ZNF141: variants seen among roughly 807,000 people sequenced by gnomAD.
The protein encoded by ZNF141 is zinc finger protein 141, also known as zinc finger protein 141 (clone pHZ-44).
Under a neutral mutation model 11.3 loss-of-function variants are expected in ZNF141, and 7 were observed. That is an observed-to-expected ratio of 0.62 (90% confidence interval 0.35 to 1.16). ZNF141 has a LOEUF of 1.16. Among genes scored for constraint, ZNF141 ranks in the 50% most tolerant of loss-of-function variants. The pLI, the probability that ZNF141 is intolerant of heterozygous loss-of-function variation, is 0.02. For synonymous variants in ZNF141, 183 were observed against 190.7 expected, an observed-to-expected ratio of 0.96 and a Z score of 0.33; for missense variants, 535 against 554.0, an observed-to-expected ratio of 0.97 and a Z score of 0.34.
chr4:345,182 C>T (rs1721263058), intron 3 of ZNF141, among the ~76,000 whole-genome samples: 1 of 152,136 alleles, frequency 6.6e-6, no homozygotes, highest in African/African-American at 2.4e-5. Flanking sequence ...ACACCAAGGA[C>T]AGATGTTGCC....
intron 3 of ZNF141, among the ~76,000 whole-genome samples, chr4:346,833 G>GTGTGTGTATATATATATGTATATACA (rs1560182729): frequency 6.8e-6 from 1 of 146,382 alleles, no homozygotes; most frequent in Admixed American, 6.8e-5. Flanking sequence ...TCCTGTGTAT[G>GTGTGTGTATATATATATGTATATACA]TGTGTGTATA....
intron 1 of ZNF141, among the ~76,000 whole-genome samples, chr4:341,956 C>G (rs1721070927): frequency 6.6e-6 from 1 of 152,228 alleles, no homozygotes; most frequent in South Asian, 2.1e-4. Flanking sequence ...GTGGCTTTTT[C>G]TTACAAGTCT....
Position 377,062 on chromosome 4 carries a change from A to G in ZNF141, c.*3200A>G, listed in dbSNP as rs964723314. 6.6e-6 allele frequency among the ~76,000 whole-genome samples: 1 copy of G among 152,318 alleles called. No individual in the cohort carries two copies. Among genetic ancestry groups the G allele is most frequent in the Non-Finnish European group, 1.5e-5 (1 of 68,024 alleles). On this transcript the variant is annotated 3_prime_UTR_variant, in exon 4 of 4. Coordinates refer to ENST00000240499, the MANE Select transcript of ZNF141 (RefSeq NM_003441.4). ...TTAGATGTAATTTCATAATATATGT[A>G]TTAAGTTATTTTAGTTAGAACATTT...
chr4:353,061 A>G (rs1460013775), intron 3 of ZNF141, among the ~76,000 whole-genome samples: 1 of 152,116 alleles, frequency 6.6e-6, no homozygotes, highest in East Asian at 1.9e-4. Flanking sequence ...AGCAAACTCC[A>G]TATATTTGGT....
In ZNF141 at chr4:381,946, C is replaced by CTTTTTTTTTTTTTTTTTTTTTTTTTTT. The variant is rs34905613; in HGVS notation, c.*8103_*8104insTTTTTTTTTTTTTTTTTTTTTTTTTTT. Among the ~76,000 whole-genome samples, 52 of 105,922 alleles carry CTTTTTTTTTTTTTTTTTTTTTTTTTTT rather than the reference C, an allele frequency of 4.9e-4. 4 individuals carry two copies. The highest frequency in any genetic ancestry group is 8.0e-4 in the African/African-American group (18 of 22,442). 69.5% of individuals were successfully genotyped at this position (105,922 alleles called of 152,430 possible). ...CTAGGGCCACCACCATCTCTGGGAACTTTTTTTTTTTTTTTTTTTGAGACG... is the reference window on the plus strand; with the variant it reads ...CTAGGGCCACCACCATCTCTGGGAACTTTTTTTTTTTTTTTTTTTTTTTTTTTTTTTTTTTTTTTTTTTTTTGAGACG... On this transcript the variant is annotated 3_prime_UTR_variant, in exon 4 of 4. Transcript: ENST00000240499.
In ZNF141 at chr4:343,809, A is replaced by G. The variant is rs201412127; in HGVS notation, c.31A>G (p.Ile11Val). ...ACTCTTAACATTCAGGGATGTGGCCATAGAATTCTCTCCAGAAGAGTGGAA... is the reference window on the plus strand; with the variant it reads ...ACTCTTAACATTCAGGGATGTGGCCGTAGAATTCTCTCCAGAAGAGTGGAA... Reference protein sequence around the residue: MELLTFRDVAIEFSPEEWKCL... With the variant: MELLTFRDVAVEFSPEEWKCL... The change falls in exon 2 of 4, where the codon ATA becomes GTA. Residue 11 changes from isoleucine to valine, a missense_variant. Transcript: ENST00000240499. 1,644 of 1,600,694 alleles carry G rather than the reference A, an allele frequency of 1.0e-3. 27 individuals carry two copies. In the Admixed American group the frequency reaches 0.018, roughly 18 times the overall value.
rs1357442257 is a variant in ZNF141, at chr4:373,723, A to C, written c.1286A>C (p.Asp429Ala). The change falls in exon 4 of 4, where the codon GAC (aspartate) becomes GCC (alanine). Residue 429 changes from aspartate to alanine, a missense_variant. Coordinates refer to ENST00000240499, the MANE Select transcript of ZNF141 (RefSeq NM_003441.4). ...ADKPYKCKEC[D>A]KAFKQFSLLS... ...AAACCCTACAAATGTAAAGAATGTG[A>C]CAAAGCCTTTAAACAATTTTCGCTC... The C allele has an allele frequency of 6.2e-7, 1 of 1,614,044 alleles. No homozygotes were observed. Among genetic ancestry groups the C allele is most frequent in the Admixed American group, 1.7e-5 (1 of 60,006 alleles).
rs1458599465 is a variant in ZNF141, at chr4:383,906, G to C, written c.*10044G>C. 1 of 152,260 alleles carries C rather than the reference G, an allele frequency of 6.6e-6. No homozygotes were observed. Among genetic ancestry groups the C allele is most frequent in the Non-Finnish European group, 1.5e-5 (1 of 68,072 alleles). 9.4% of individuals were successfully genotyped at this position (152,260 alleles called of 1,614,324 possible). A position where few individuals can be genotyped will look rare whatever the true frequency, so the allele number is the denominator to read the frequency against. ...AACATTGTAACCGGGTCCTTGGGCGGCTTGCTGGGGCTCACACCCACCCTG... is the reference window on the plus strand; with the variant it reads ...AACATTGTAACCGGGTCCTTGGGCGCCTTGCTGGGGCTCACACCCACCCTG... On this transcript the variant is annotated 3_prime_UTR_variant, in exon 4 of 4. Coordinates refer to ENST00000240499, the MANE Select transcript of ZNF141 (RefSeq NM_003441.4).
rs1553849145 is a variant in ZNF141 at position 344,395 on chromosome 4, A to T, written c.191A>T (p.Asn64Ile). The T allele has an allele frequency of 1.2e-6, 2 of 1,607,452 alleles. No individual in the cohort carries two copies. Among genetic ancestry groups the T allele is most frequent in the South Asian group, 2.2e-5 (2 of 91,046 alleles). ...TCLEQRKEPY[N>I]VKIHKIVARP... Reference sequence around the variant, plus strand: ...CTGGAGCAAAGAAAAGAGCCCTACAATGTGAAGATACATAAGATCGTAGCC... The same window carrying T: ...CTGGAGCAAAGAAAAGAGCCCTACATTGTGAAGATACATAAGATCGTAGCC... Residue 64 changes from asparagine to isoleucine, a missense_variant, in exon 3 of 4, where the codon AAT becomes ATT. By Grantham distance (149) the Asn-to-Ile change is moderately radical. Transcript: ENST00000240499.
rs187884065 is a variant in ZNF141 at position 374,685 on chromosome 4, C to T, written c.*823C>T. On this transcript the variant is annotated 3_prime_UTR_variant, in exon 4 of 4. Transcript: ENST00000240499. ...TAAGAATTCATCCTAGATATAAAACCATAGAAATGTAAAAGATGTGACAAA... is the reference window on the plus strand; with the variant it reads ...TAAGAATTCATCCTAGATATAAAACTATAGAAATGTAAAAGATGTGACAAA... The T allele has an allele frequency of 0.012, 1,882 of 153,724 alleles. 13 individuals are homozygous for T. Among genetic ancestry groups the T allele is most frequent in the Middle Eastern group, 0.039 (15 of 386 alleles). The allele number at this position is 153,724 out of a possible 1,614,324, so 9.5% of individuals were successfully genotyped here.
chr4:367,051 A>G (rs957988628), intron 3 of ZNF141, among the ~76,000 whole-genome samples: 1 of 152,230 alleles, frequency 6.6e-6, no homozygotes, highest in East Asian at 1.9e-4. Flanking sequence ...TATAGATCAT[A>G]TGTACCTCAA....
In ZNF141 at chr4:384,722, C is replaced by G. The variant is rs1299041800; in HGVS notation, c.*10860C>G. On this transcript the variant is annotated 3_prime_UTR_variant, in exon 4 of 4. Transcript: ENST00000240499. Reference sequence around the variant, plus strand: ...CCCTTAGCGGGGAAATTTACCCCTCCCATTTGGGCAGAACCCACAGAAGAC... The same window carrying G: ...CCCTTAGCGGGGAAATTTACCCCTCGCATTTGGGCAGAACCCACAGAAGAC... 2.0e-5 allele frequency: 3 copies of G among 152,340 alleles called. No homozygotes were observed. The highest frequency in any genetic ancestry group is 4.1e-4 in the South Asian group (2 of 4,826). 9.4% of individuals were successfully genotyped at this position (152,340 alleles called of 1,614,324 possible).
chr4:354,128 C>G (rs1045135826), intron 3 of ZNF141, among the ~76,000 whole-genome samples: 1 of 152,158 alleles, frequency 6.6e-6, no homozygotes, highest in Non-Finnish European at 1.5e-5. Context: ...ATCACCTGAC[C>G]ATCTCATCTC....
At chr4:356,162 C>A (rs1553851190) in intron 3 of ZNF141, among the ~76,000 whole-genome samples, 1 of 147,004 alleles carries the variant, frequency 6.8e-6, no homozygotes, top group South Asian at 2.2e-4. Flanking sequence ...ACCTGGGAGG[C>A]AGAGGTTGCA....
Position 373,963 on chromosome 4 carries a change from T to A in ZNF141, c.*101T>A. The stretch of plus-strand genomic sequence containing the variant: ...ATACTGTAGAGAAACCCTGGAAATG[T>A]GAAGAACGTGGCAAAGTTCTTTACC... On this transcript the variant is annotated 3_prime_UTR_variant, in exon 4 of 4. Transcript: ENST00000240499. 9.1e-7 allele frequency: 1 copy of A among 1,100,942 alleles called. No individual in the cohort carries two copies. Among genetic ancestry groups the A allele is most frequent in the Non-Finnish European group, 1.3e-6 (1 of 756,792 alleles). The allele number at this position is 1,100,942 out of a possible 1,614,324, so 68.2% of individuals were successfully genotyped here.
rs1712297736 is a variant in ZNF141 at position 375,070 on chromosome 4, A to G, written c.*1208A>G. The G allele has an allele frequency of 6.6e-6, 1 of 152,194 alleles. No homozygotes were observed. The highest frequency in any genetic ancestry group is 6.5e-5 in the Admixed American group (1 of 15,286). The allele number at this position is 152,194 out of a possible 1,614,324, so 9.4% of individuals were successfully genotyped here. On this transcript the variant is annotated 3_prime_UTR_variant, in exon 4 of 4. Transcript: ENST00000240499. ...TTTACCAATGCTCATCTTTTTGCAC[A>G]TGATATCCTTTATATTCGAGAAAAG...
At position 375,469 on chromosome 4, in the gene ZNF141, A is replaced by C. The variant is rs2108657522; in HGVS notation, c.*1607A>C. Reference sequence around the variant, plus strand: ...TAGAAAATATTTTGTAGATGCAGTAAATGTGAAGAAATATTTAGTCTAAAA... The same window carrying C: ...TAGAAAATATTTTGTAGATGCAGTACATGTGAAGAAATATTTAGTCTAAAA... On this transcript the variant is annotated 3_prime_UTR_variant, in exon 4 of 4. Transcript: ENST00000240499. 6.6e-6 allele frequency among the ~76,000 whole-genome samples: 1 copy of C among 152,220 alleles called. No homozygotes were observed. The highest frequency in any genetic ancestry group is 1.9e-4 in the East Asian group (1 of 5,192).
intron 1 of ZNF141, chr4:338,300 G>A: frequency 5.5e-6 from 2 of 364,838 alleles, no homozygotes; most frequent in Non-Finnish European, 1.0e-5. Flanking sequence ...TGTGGGAGAA[G>A]CTGTGGTCTG....
chr4:362,406 G>A (rs1257704753), intron 3 of ZNF141, among the ~76,000 whole-genome samples: 1 of 152,046 alleles, frequency 6.6e-6, no homozygotes, highest in Non-Finnish European at 1.5e-5. Context: ...GTCAATTTTG[G>A]CTTTTCTTGC....
Sources: gnomAD v4.1 joint callset for allele counts (sites outside exome capture counted in the v4.1 genomes callset) on GRCh38, gnomAD v4.1.1 for gene constraint, MANE v1.5 for transcripts, NCBI Gene and HGNC (gene_info 2026-07-23, HGNC 2026-07-21) for gene names.